The following SASH1 variants were observed in gnomAD, a reference collection of about 807,000 sequenced individuals.
SASH1 encodes SAM and SH3 domain containing 1.
SASH1 carries 44 observed loss-of-function variants against 125.2 expected under a neutral mutation model. The observed-to-expected ratio is 0.35, with a 90% CI of 0.28 to 0.45. The LOEUF is 0.45. SASH1 is among the 20% of genes least tolerant of loss of function. The probability of loss-of-function intolerance (pLI) is 1.00; values close to 1 mark genes in which losing one functional copy is unlikely to be tolerated. For missense variants in SASH1, 1,426 were observed against 1,614.5 expected, an observed-to-expected ratio of 0.88 and a Z score of 2.00; for synonymous variants, 639 against 649.1, an observed-to-expected ratio of 0.98 and a Z score of 0.24.
chr6:148,409,542 C>T (rs1453721061), intron 2 of SASH1, among the ~76,000 whole-genome samples: 1 of 152,184 alleles, frequency 6.6e-6, no homozygotes, highest in Non-Finnish European at 1.5e-5. Context: ...TCAAGATTGT[C>T]ATTAAAAACT....
chr6:148,343,286 G>A, intron 1 of SASH1, 63 bp downstream of exon 1: 1 of 1,498,942 alleles, frequency 6.7e-7, no homozygotes, highest in Non-Finnish European at 9.0e-7. Context: ...TCTGAAACCG[G>A]GGGCTCCCTT....
At chr6:148,427,669 C>T (rs1014913339) in intron 2 of SASH1, among the ~76,000 whole-genome samples, 1 of 152,138 alleles carries the variant, frequency 6.6e-6, no homozygotes, top group East Asian at 1.9e-4. Flanking sequence ...TGTGGGAGCA[C>T]CAAGCTTGAC....
rs537803844 is a variant in SASH1, at chr6:148,513,748, G to A, written c.730-576G>A. ...CATTCGCCTTGTGAGCCCTTAGAAG[G>A]AGCCGGGAGAGGCGGAAGGGCTGGC... is the stretch of plus-strand genomic sequence containing the variant. On this transcript the variant is annotated intron_variant, in intron 8 of 19. Transcript: ENST00000367467. 1,174 of 985,998 alleles carry A rather than the reference G, an allele frequency of 1.2e-3. 1 individual carries two copies. The highest frequency in any genetic ancestry group is 1.9e-3 in the Admixed American group (31 of 16,312). 61.1% of individuals were successfully genotyped at this position (985,998 alleles called of 1,614,324 possible). A position where few individuals can be genotyped will look rare whatever the true frequency, so the allele number is the denominator to read the frequency against.
the SASH1 span, among the ~76,000 whole-genome samples, chr6:148,208,934 A>G: frequency 2.0e-3 from 309 of 152,374 alleles, 2 homozygotes; most frequent in African/African-American, 7.1e-3. Flanking sequence ...CAAATATAAA[A>G]TACCGTTTTA....
At chr6:148,498,350 G>C (rs1291671910) in intron 8 of SASH1, among the ~76,000 whole-genome samples, 1 of 151,724 alleles carries the variant, frequency 6.6e-6, no homozygotes, top group Non-Finnish European at 1.5e-5. Flanking sequence ...GTAGTGAGCT[G>C]TGTTCATGCC....
chr6:148,287,108 G>A (rs1779501199), intron 1 of SASH1, among the ~76,000 whole-genome samples: 1 of 152,122 alleles, frequency 6.6e-6, no homozygotes. Context: ...GATGGCATCA[G>A]GAGGAGACTT....
At chr6:148,491,861 G>A (rs1041482307) in intron 8 of SASH1, among the ~76,000 whole-genome samples, 4 of 152,132 alleles carry the variant, frequency 2.6e-5, no homozygotes, top group East Asian at 3.9e-4. Flanking sequence ...AGTGTGTCCC[G>A]GGACGATGAG....
the SASH1 span, among the ~76,000 whole-genome samples, chr6:148,218,417 G>T: frequency 6.6e-6 from 1 of 152,126 alleles, no homozygotes; most frequent in South Asian, 2.1e-4. Context: ...CTTCAGTAAG[G>T]GGAACAGAAA....
Position 148,351,191 on chromosome 6 carries a change from GTTT to G in SASH1, c.156+7989_156+7991del, listed in dbSNP as rs67285564. Reference sequence around the variant, plus strand: ...CTAGTATTTCCTTTCTGCGATAGTAGTTTTTTTTTTTTTTTTTTTTTTTCTGAA... The same window carrying G: ...CTAGTATTTCCTTTCTGCGATAGTAGTTTTTTTTTTTTTTTTTTTTCTGAA... On this transcript the variant is annotated intron_variant, in intron 1 of 19. Coordinates refer to ENST00000367467, the MANE Select transcript of SASH1 (RefSeq NM_015278.5). 8.4e-3 allele frequency among the ~76,000 whole-genome samples: 858 copies of G among 102,148 alleles called. 19 individuals carry two copies. The highest frequency in any genetic ancestry group is 0.025 in the African/African-American group (723 of 29,258). The allele number at this position is 102,148 out of a possible 152,430, so 67.0% of individuals were successfully genotyped here. A position where few individuals can be genotyped will look rare whatever the true frequency, so the allele number is the denominator to read the frequency against.
At chr6:148,501,555 G>C (rs1323665612) in intron 8 of SASH1, among the ~76,000 whole-genome samples, 1 of 152,194 alleles carries the variant, frequency 6.6e-6, no homozygotes, top group Non-Finnish European at 1.5e-5. Context: ...ACTCTGAACA[G>C]AGGGACCTGT....
At chr6:148,426,541 G>A (rs1049263483) in intron 2 of SASH1, among the ~76,000 whole-genome samples, 6 of 152,166 alleles carry the variant, frequency 3.9e-5, no homozygotes, top group African/African-American at 7.2e-5. Context: ...TTACCCAGAT[G>A]TCATGTGCCT....
chr6:148,229,339 C>G, the SASH1 span, among the ~76,000 whole-genome samples: 8 of 152,112 alleles, frequency 5.3e-5, 1 homozygote, highest in East Asian at 1.4e-3. Flanking sequence ...TGTGACATGT[C>G]TACCCTAATG....
chr6:148,482,408 A>T (rs890398619), intron 7 of SASH1, among the ~76,000 whole-genome samples: 1 of 152,224 alleles, frequency 6.6e-6, no homozygotes, highest in Non-Finnish European at 1.5e-5. Flanking sequence ...TAATGTATGT[A>T]TGTGAGTCCA....
At chr6:148,536,867 A>G (rs1781877829) in intron 16 of SASH1, among the ~76,000 whole-genome samples, 1 of 152,214 alleles carries the variant, frequency 6.6e-6, no homozygotes, top group African/African-American at 2.4e-5. Context: ...TGGAAGGTGA[A>G]GAAGACCTCT....
the SASH1 span, among the ~76,000 whole-genome samples, chr6:148,200,974 T>A: frequency 6.6e-6 from 1 of 152,322 alleles, no homozygotes; most frequent in African/African-American, 2.4e-5. Context: ...TGTGACAAGA[T>A]CACTTCCTCT....
intron 8 of SASH1, among the ~76,000 whole-genome samples, chr6:148,492,945 A>C (rs754627624): frequency 1.3e-5 from 2 of 152,200 alleles, no homozygotes; most frequent in Non-Finnish European, 2.9e-5. Flanking sequence ...TTCTTACCAA[A>C]CTATTTCTTC....
intron 1 of SASH1, chr6:148,272,444 T>A: frequency 4.4e-6 from 2 of 457,806 alleles, no homozygotes; most frequent in South Asian, 3.2e-5. Flanking sequence ...TAGACTGATA[T>A]ATTCAGGAAA....
chr6:148,532,960 G>A lies in SASH1; in HGVS notation c.1728G>A (p.Lys576=). Residue 576 remains lysine, a synonymous_variant, in exon 14 of 20, where the codon AAG becomes AAA. Transcript: ENST00000367467. This position sits in a 1 kb window ranked among gnomAD's most constrained non-coding sequence, Gnocchi z 4.7. Reference sequence around the variant, plus strand: ...GTCCCTATGACACAGACTCACTCAAGCTCAAGGTATCTCTCTCCCTGGCCT... The same window carrying A: ...GTCCCTATGACACAGACTCACTCAAACTCAAGGTATCTCTCTCCCTGGCCT... ...TPSPYDTDSL[K]LKKGDIIDII... 1 of 1,613,860 alleles carries A rather than the reference G, an allele frequency of 6.2e-7. No homozygotes were observed. Among genetic ancestry groups the A allele is most frequent in the Non-Finnish European group, 8.5e-7 (1 of 1,179,830 alleles).
At chr6:148,296,357 C>A (rs561127917) in intron 1 of SASH1, among the ~76,000 whole-genome samples, 123 of 152,282 alleles carry the variant, frequency 8.1e-4, no homozygotes, top group African/African-American at 2.7e-3. Context: ...AACTCCTGAC[C>A]TCAAGTGATC....
Sources: allele counts gnomAD v4.1 joint callset (sites outside exome capture counted in the v4.1 genomes callset), GRCh38; gene constraint gnomAD v4.1.1; non-coding constraint Gnocchi (gnomAD v3.1); transcripts MANE v1.5; gene names NCBI Gene and HGNC (gene_info 2026-07-23, HGNC 2026-07-21).